IGSF11: variants seen among roughly 807,000 people sequenced by gnomAD.
The protein encoded by IGSF11 is CXADR like 1.
A neutral mutation model predicts 41.0 loss-of-function variants in IGSF11; 22 were observed. The ratio of observed to expected loss-of-function variants is 0.54; its 90% CI spans 0.38 to 0.77. IGSF11 has a LOEUF of 0.77. Ranked by LOEUF, IGSF11 falls within the 30% of genes least tolerant of loss-of-function variation. IGSF11 has a pLI of 0.00. For synonymous variants in IGSF11, 219 were observed against 201.3 expected (o/e 1.09, Z -0.74); for missense variants, 444 against 530.8 (o/e 0.84, Z 1.61).
At chr3:118,948,782 G>A (rs1383293553) in intron 1 of IGSF11, among the ~76,000 whole-genome samples, 3 of 151,868 alleles carry the variant, frequency 2.0e-5, no homozygotes, top group Non-Finnish European at 2.9e-5. Context: ...TGGCTAAAAC[G>A]GTGAGACCCC....
intron 1 of IGSF11, among the ~76,000 whole-genome samples, chr3:119,135,718 T>C (rs11719809): frequency 0.25 from 37,294 of 152,140 alleles, 4,669 homozygotes; most frequent in South Asian, 0.3. Context: ...ACTGGGTATA[T>C]ACCCAAAGGA....
At chr3:118,981,223 G>A (rs1270377087) in intron 1 of IGSF11, among the ~76,000 whole-genome samples, 1 of 152,170 alleles carries the variant, frequency 6.6e-6, no homozygotes, top group Non-Finnish European at 1.5e-5. Flanking sequence ...AGGCTGGAGT[G>A]CAGTGGCGTG....
At chr3:118,926,040 T>G in intron 4 of IGSF11, 61 bp downstream of exon 4, 1 of 1,244,790 alleles carries the variant, frequency 8.0e-7, no homozygotes, top group South Asian at 2.4e-5. Flanking sequence ...GTTAATTACT[T>G]TTTGAATATT....
intron 1 of IGSF11, among the ~76,000 whole-genome samples, chr3:118,934,171 T>C (rs1943071753): frequency 6.6e-6 from 1 of 152,218 alleles, no homozygotes; most frequent in Non-Finnish European, 1.5e-5. Context: ...AATCTATTCC[T>C]GCTCCATAGT....
chr3:119,105,203 T>C (rs2077002707), exon 1 of IGSF11: 1 of 1,594,522 alleles, frequency 6.3e-7, no homozygotes, highest in African/African-American at 1.3e-5. Flanking sequence ...TTATTCTTCT[T>C]GCCTGAGGAA....
chr3:118,958,785 CCAAA>C (rs1443109040), intron 1 of IGSF11, among the ~76,000 whole-genome samples: 1 of 152,042 alleles, frequency 6.6e-6, no homozygotes, highest in East Asian at 1.9e-4. Context: ...TTAATTATCA[CCAAA>C]CACATTATTA....
At chr3:118,952,137 A>G (rs1341810578) in intron 1 of IGSF11, among the ~76,000 whole-genome samples, 4 of 152,154 alleles carry the variant, frequency 2.6e-5, no homozygotes, top group Non-Finnish European at 5.9e-5. Context: ...TACATATCTT[A>G]AAGTAAAAAA....
chr3:118,959,397 G>T (rs558675858), intron 1 of IGSF11, among the ~76,000 whole-genome samples: 2 of 152,276 alleles, frequency 1.3e-5, no homozygotes, highest in African/African-American at 4.8e-5. Flanking sequence ...ACAGGGAGAA[G>T]AATAAACAGC....
rs1576310323 is a variant in IGSF11 at position 118,902,937 on chromosome 3, A to C, written c.879T>G (p.Cys293Trp). The C allele has an allele frequency of 6.2e-7, 1 of 1,613,844 alleles. No individual in the cohort carries two copies. The highest frequency in any genetic ancestry group is 8.5e-7 in the Non-Finnish European group (1 of 1,179,728). Reference protein sequence around the residue: ...EIREDDLPPKCSSAKAFHTEI... With the variant: ...EIREDDLPPKWSSAKAFHTEI... ...CAGTGTGAAATGCTTTGGCAGAAGA[A>C]CACTTGGGTGGAAGATCATCCTCTC... is the stretch of plus-strand genomic sequence containing the variant. Residue 293 changes from cysteine to tryptophan, a missense_variant, in exon 7 of 7, where the codon TGT becomes TGG. Physicochemically the swap from Cys to Trp is radical, Grantham distance 215. Around this residue, in one of 3 missense-constraint regions of IGSF11, gnomAD observed 223 missense variants for 226.2 expected, o/e 0.99. Coordinates refer to ENST00000393775, the MANE Select transcript of IGSF11 (RefSeq NM_001015887.3).
At chr3:118,933,661 A>G (rs1168315393) in intron 1 of IGSF11, among the ~76,000 whole-genome samples, 4 of 152,304 alleles carry the variant, frequency 2.6e-5, no homozygotes, top group Non-Finnish European at 5.9e-5. Flanking sequence ...CCAGGCGGTT[A>G]GTCTATAAGG....
At chr3:118,944,987 C>T (rs916151950) in intron 1 of IGSF11, 1 of 152,112 alleles carries the variant, frequency 6.6e-6, no homozygotes, top group Non-Finnish European at 1.5e-5. Context: ...GACATAGAAT[C>T]CAGGTACAGC....
At chr3:119,062,980 T>C (rs564711053) in intron 1 of IGSF11, among the ~76,000 whole-genome samples, 1 of 152,280 alleles carries the variant, frequency 6.6e-6, no homozygotes, top group African/African-American at 2.4e-5. Flanking sequence ...GGACAGGAAT[T>C]GTCAACGGAA....
chr3:119,124,359 C>T (rs1051073331), intron 1 of IGSF11, among the ~76,000 whole-genome samples: 9 of 146,604 alleles, frequency 6.1e-5, no homozygotes, highest in East Asian at 2.1e-4. Context: ...CTCCACCTCC[C>T]GGGTTCAAGC....
chr3:119,133,273 C>G (rs1470767745), intron 1 of IGSF11, among the ~76,000 whole-genome samples: 1 of 152,062 alleles, frequency 6.6e-6, no homozygotes, highest in Non-Finnish European at 1.5e-5. Context: ...ATCAATGAAT[C>G]CAGGAGCTGG....
At chr3:119,076,126 T>C (rs542176903) in intron 1 of IGSF11, among the ~76,000 whole-genome samples, 11 of 152,300 alleles carry the variant, frequency 7.2e-5, no homozygotes, top group Non-Finnish European at 1.6e-4. Flanking sequence ...AACCATCTGA[T>C]CTTTGACAAA....
intron 1 of IGSF11, among the ~76,000 whole-genome samples, chr3:119,091,919 T>A (rs1209775244): frequency 6.7e-6 from 1 of 149,638 alleles, no homozygotes; most frequent in Non-Finnish European, 1.5e-5. Flanking sequence ...ACTTACAGAG[T>A]AATAATATAA....
chr3:119,060,388 A>T (rs184750088), intron 1 of IGSF11, among the ~76,000 whole-genome samples: 6 of 152,332 alleles, frequency 3.9e-5, no homozygotes, highest in Non-Finnish European at 8.8e-5. Flanking sequence ...GAGAAGAACC[A>T]TAAGATTTTG....
chr3:118,906,054 T>C (rs1297107536), intron 4 of IGSF11, among the ~76,000 whole-genome samples: 5 of 152,246 alleles, frequency 3.3e-5, no homozygotes. Flanking sequence ...CACCAAATTC[T>C]AGTTCTGAGG....
chr3:118,968,824 T>C (rs1933021318), intron 1 of IGSF11, among the ~76,000 whole-genome samples: 1 of 152,218 alleles, frequency 6.6e-6, no homozygotes, highest in African/African-American at 2.4e-5. Flanking sequence ...TTTCTAAAAA[T>C]AGGCAAGTCA....
Sources: gnomAD v4.1 joint callset for allele counts (sites outside exome capture counted in the v4.1 genomes callset) on GRCh38, gnomAD v4.1.1 for gene constraint, gnomAD v4.1.1 regional missense constraint, MANE v1.5 for transcripts, NCBI Gene and HGNC (gene_info 2026-07-23, HGNC 2026-07-21) for gene names.